Variants in TUBGCP3 observed in about 807,000 individuals in gnomAD.
TUBGCP3 encodes gamma-tubulin complex component 3.
A neutral mutation model predicts 123.1 loss-of-function variants in TUBGCP3; 50 were observed. The ratio of observed to expected loss-of-function variants is 0.41; its 90% confidence interval spans 0.32 to 0.51. The LOEUF is 0.51. Ranked by LOEUF, TUBGCP3 falls within the 20% of genes least tolerant of loss-of-function variation. The pLI, the probability that TUBGCP3 is intolerant of heterozygous loss-of-function variation, is 0.36. For missense variants in TUBGCP3, 882 were observed against 1,127.0 expected, an observed-to-expected ratio of 0.78 and a Z score of 3.11; for synonymous variants, 405 against 413.9, an observed-to-expected ratio of 0.98 and a Z score of 0.26.
intron 1 of TUBGCP3, among the ~76,000 whole-genome samples, chr13:112,575,996 A>G (rs1881778108): frequency 6.6e-6 from 1 of 152,250 alleles, no homozygotes; most frequent in African/African-American, 2.4e-5. Context: ...ACAGGGGAAT[A>G]AACGAACTAA....
upstream of TUBGCP3, among the ~76,000 whole-genome samples, chr13:112,589,995 T>C (rs1449436559): frequency 1.3e-5 from 2 of 152,128 alleles, no homozygotes; most frequent in Admixed American, 1.3e-4. Flanking sequence ...ATCTTTCTTT[T>C]TTTTTTTTTC....
At position 112,511,951 on chromosome 13, in the gene TUBGCP3, G is replaced by A. The variant is rs1446685109; in HGVS notation, c.2086+4489C>T. On this transcript the variant is annotated intron_variant, in intron 17 of 21. Transcript: ENST00000261965. This position sits in a 1 kb window ranked among gnomAD's most constrained non-coding sequence, Gnocchi z 4.1. The stretch of plus-strand genomic sequence containing the variant: ...ACCTACACAAGGAAGCACTTACTCA[G>A]ACACTCGTTCTCTCGAAAGCACATT... 2.0e-5 allele frequency among the ~76,000 whole-genome samples: 3 copies of A among 152,186 alleles called. No individual in the cohort carries two copies. Among genetic ancestry groups the A allele is most frequent in the Admixed American group, 2.0e-4 (3 of 15,286 alleles).
At chr13:112,602,605 C>T in the TUBGCP3 span, among the ~76,000 whole-genome samples, 8 of 152,302 alleles carry the variant, frequency 5.3e-5, no homozygotes, top group South Asian at 1.7e-3. Flanking sequence ...TTCAGTTCAC[C>T]TCTGCATAGG....
In TUBGCP3 at chr13:112,578,540, AAG is replaced by A. The variant is rs1389269100; in HGVS notation, c.77-9283_77-9282del. ...CGCCACTGCAGTCCAGCTTGGGCGA[AAG>A]AGTGAGACTCCGTCTCAAAAAAAAA... On this transcript the variant is annotated intron_variant, in intron 1 of 21. Coordinates refer to ENST00000261965, the MANE Select transcript of TUBGCP3 (RefSeq NM_006322.6). 1.1e-4 allele frequency among the ~76,000 whole-genome samples: 14 copies of A among 133,290 alleles called. No homozygotes were observed. In the South Asian group the frequency reaches 1.3e-3, roughly 12 times the overall value. 87.4% of individuals were successfully genotyped at this position (133,290 alleles called of 152,430 possible).
At chr13:112,565,484 A>T (rs1880880240) in intron 2 of TUBGCP3, among the ~76,000 whole-genome samples, 1 of 152,234 alleles carries the variant, frequency 6.6e-6, no homozygotes, top group African/African-American at 2.4e-5. Flanking sequence ...ACAGTAAGGC[A>T]AACTATGATC....
chr13:112,501,893 A>C (rs1880931465), intron 19 of TUBGCP3, among the ~76,000 whole-genome samples: 1 of 152,172 alleles, frequency 6.6e-6, no homozygotes, highest in South Asian at 2.1e-4. Context: ...TACCAGTGGA[A>C]ATCATCTAGG....
chr13:112,502,837 C>G (rs7325261), intron 19 of TUBGCP3, among the ~76,000 whole-genome samples: 148,212 of 152,244 alleles, frequency 0.97, 72,181 homozygotes, highest in East Asian at 1. Context: ...GAGCCACTGC[C>G]CCCGGCCTGT....
At chr13:112,501,817 C>T (rs1048174935) in intron 19 of TUBGCP3, among the ~76,000 whole-genome samples, 8 of 152,122 alleles carry the variant, frequency 5.3e-5, no homozygotes, top group Admixed American at 6.6e-5. Context: ...GTGAAGACCC[C>T]GCTTCCCACT....
intron 11 of TUBGCP3, among the ~76,000 whole-genome samples, chr13:112,530,546 A>G (rs985486536): frequency 1.3e-5 from 2 of 152,346 alleles, no homozygotes; most frequent in South Asian, 2.1e-4. Context: ...TGTGAAACGC[A>G]CTTGTGCGGG....
rs770899850 is a variant in TUBGCP3, at chr13:112,547,598, G to A, written c.1168+22C>T. Reference sequence around the variant, plus strand: ...AAAGTCGCGCGTGGGAAAGACGTGCGTGGGAAAGACGCGCGTGGGACCTTG... The same window carrying A: ...AAAGTCGCGCGTGGGAAAGACGTGCATGGGAAAGACGCGCGTGGGACCTTG... On this transcript the variant is annotated intron_variant, in intron 10 of 21. Transcript: ENST00000261965. The A allele has an allele frequency of 7.9e-5, 116 of 1,468,960 alleles. 1 individual carries two copies. Among genetic ancestry groups the A allele is most frequent in the Middle Eastern group, 3.9e-4 (2 of 5,076 alleles). 91.0% of individuals were successfully genotyped at this position (1,468,960 alleles called of 1,614,324 possible). A position where few individuals can be genotyped will look rare whatever the true frequency, so the allele number is the denominator to read the frequency against.
chr13:112,582,275 A>G (rs2139329192), intron 1 of TUBGCP3, among the ~76,000 whole-genome samples: 1 of 152,372 alleles, frequency 6.6e-6, no homozygotes, highest in East Asian at 1.9e-4. Context: ...AATAACTCCT[A>G]AATACTTACT....
At chr13:112,576,924 C>A (rs538057485) in intron 1 of TUBGCP3, among the ~76,000 whole-genome samples, 35 of 140,754 alleles carry the variant, frequency 2.5e-4, no homozygotes, top group East Asian at 1.3e-3. Flanking sequence ...AAAAAAAAAA[C>A]CCCAGCAGTC....
At chr13:112,499,446 G>A (rs1030018856) in intron 19 of TUBGCP3, among the ~76,000 whole-genome samples, 3 of 152,148 alleles carry the variant, frequency 2.0e-5, no homozygotes, top group African/African-American at 7.2e-5. Flanking sequence ...CAAGTCCCAC[G>A]GCGGGCCAGG....
intron 11 of TUBGCP3, among the ~76,000 whole-genome samples, chr13:112,540,099 G>A (rs566874275): frequency 1.3e-5 from 2 of 150,832 alleles, no homozygotes; most frequent in South Asian, 4.2e-4. Flanking sequence ...GTAGCCCTAT[G>A]AGCATTCAGA....
intron 2 of TUBGCP3, among the ~76,000 whole-genome samples, chr13:112,566,931 C>T (rs1175146945): frequency 2.6e-5 from 4 of 152,158 alleles, no homozygotes; most frequent in Admixed American, 6.5e-5. Context: ...TATTTGAGGT[C>T]GGTTATATCG....
chr13:112,532,027 T>G (rs112290551), intron 11 of TUBGCP3, among the ~76,000 whole-genome samples: 2,174 of 152,350 alleles, frequency 0.014, 52 homozygotes, highest in African/African-American at 0.048. Context: ...GGTAATTTTC[T>G]TAGCAAGCAA....
In TUBGCP3 at chr13:112,558,431, C is replaced by T. The variant is rs1880236048; in HGVS notation, c.331-18G>A. The T allele has an allele frequency of 6.6e-7, 1 of 1,517,594 alleles. No individual in the cohort carries two copies. The highest frequency in any genetic ancestry group is 2.3e-5 in the East Asian group (1 of 43,488). The allele number at this position is 1,517,594 out of a possible 1,614,324, so 94.0% of individuals were successfully genotyped here. A position where few individuals can be genotyped will look rare whatever the true frequency, so the allele number is the denominator to read the frequency against. The stretch of plus-strand genomic sequence containing the variant: ...CTAGAAACCTGAAAAGAGAAACACA[C>T]TAAGAGCAGAGACAGGAAATTACAG... On this transcript the variant is annotated intron_variant, in intron 4 of 21. Coordinates refer to ENST00000261965, the MANE Select transcript of TUBGCP3 (RefSeq NM_006322.6).
chr13:112,493,759 G>A (rs1437624240), intron 20 of TUBGCP3, among the ~76,000 whole-genome samples: 1 of 148,844 alleles, frequency 6.7e-6, no homozygotes, highest in Non-Finnish European at 1.5e-5. Flanking sequence ...GTGTGCCTGA[G>A]ACACTCTAGC....
chr13:112,581,008 AAATATT>A (rs1181836067), intron 1 of TUBGCP3, among the ~76,000 whole-genome samples: 1 of 146,714 alleles, frequency 6.8e-6, no homozygotes, highest in Non-Finnish European at 1.5e-5. Flanking sequence ...CTTAAAATAT[AAATATT>A]ATCATCACTC....
Sources: allele counts gnomAD v4.1 joint callset (sites outside exome capture counted in the v4.1 genomes callset), GRCh38; gene constraint gnomAD v4.1.1; non-coding constraint Gnocchi (gnomAD v3.1); transcripts MANE v1.5; gene names NCBI Gene and HGNC (gene_info 2026-07-23, HGNC 2026-07-21).